Variants in PRMT8 observed in about 807,000 individuals in gnomAD.
PRMT8 encodes protein arginine N-methyltransferase 8.
A neutral mutation model predicts 47.1 loss-of-function variants in PRMT8; 7 were observed. The observed-to-expected ratio is 0.15, with a 90% confidence interval of 0.08 to 0.28. The LOEUF (loss-of-function observed/expected upper bound fraction) is 0.28, where lower values mean the gene tolerates loss of function less well. PRMT8 is among the 10% of genes least tolerant of loss of function. The pLI is 1.00. For synonymous variants in PRMT8, 188 were observed against 186.5 expected (o/e 1.01, Z -0.07); for missense variants, 237 against 505.4 (o/e 0.47, Z 5.09).
intron 1 of PRMT8, among the ~76,000 whole-genome samples, chr12:3,522,048 A>G (rs1865887438): frequency 2.0e-5 from 3 of 152,194 alleles, no homozygotes; most frequent in African/African-American, 4.8e-5. Flanking sequence ...AGTCTCAGAA[A>G]GTATATTACT....
At chr12:3,418,512 C>T (rs1864506552) in intron 1 of PRMT8, among the ~76,000 whole-genome samples, 1 of 152,198 alleles carries the variant, frequency 6.6e-6, no homozygotes, top group Non-Finnish European at 1.5e-5. Flanking sequence ...CCCATGGCTG[C>T]TGATGCCAGT....
chr12:3,439,936 C>T (rs1013710856), intron 1 of PRMT8, among the ~76,000 whole-genome samples: 9 of 152,154 alleles, frequency 5.9e-5, no homozygotes, highest in East Asian at 1.9e-4. Flanking sequence ...AAGTATGAGT[C>T]GGGCACCACG....
intron 1 of PRMT8, among the ~76,000 whole-genome samples, chr12:3,401,184 TA>T (rs1307574720): frequency 1.7e-5 from 2 of 118,872 alleles, no homozygotes; most frequent in African/African-American, 3.1e-5. Context: ...GGCAAATCAA[TA>T]AACATTATTC....
chr12:3,542,441 A>G (rs923032328), intron 2 of PRMT8, among the ~76,000 whole-genome samples: 2 of 152,196 alleles, frequency 1.3e-5, no homozygotes, highest in Non-Finnish European at 2.9e-5. Context: ...TTGGCCTGTG[A>G]GAGGCTCTTG....
At chr12:3,537,102 A>T (rs13328981) in intron 1 of PRMT8, among the ~76,000 whole-genome samples, 4,955 of 152,266 alleles carry the variant, frequency 0.033, 110 homozygotes, top group Middle Eastern at 0.085. Flanking sequence ...GCCTTTCTAA[A>T]AGTCTTGACC....
chr12:3,490,742 CACTT>C (rs1284176635), upstream of PRMT8, among the ~76,000 whole-genome samples: 1 of 142,724 alleles, frequency 7.0e-6, no homozygotes, highest in African/African-American at 2.5e-5. Context: ...AATGACACCA[CACTT>C]ACCCCTAGAG....
chr12:3,522,931 T>C (rs570642487), intron 1 of PRMT8, among the ~76,000 whole-genome samples: 13 of 152,292 alleles, frequency 8.5e-5, no homozygotes, highest in Admixed American at 2.6e-4. Context: ...GGCTCCGTCA[T>C]TGGGGGTGGA....
At position 3,540,613 on chromosome 12, in the gene PRMT8, G is replaced by GGGCCCCCCCC; in HGVS notation, c.83_84insGGCCCCCCCC (p.Ser28ArgfsTer17). ...CCCTTCTCTTCCCCTCAGGTGAACA[G>GGGCCCCCCCC]CCCCCCCTCCCAGCCCCCCCAGCCC... On this transcript the variant is annotated frameshift_variant, in exon 2 of 10. Transcript: ENST00000382622. LOFTEE classifies it high-confidence loss of function. The GGGCCCCCCCC allele has an allele frequency of 8.8e-7, 1 of 1,130,522 alleles. No individual in the cohort carries two copies. Among genetic ancestry groups the GGGCCCCCCCC allele is most frequent in the Non-Finnish European group, 1.3e-6 (1 of 752,492 alleles). 70.0% of individuals were successfully genotyped at this position (1,130,522 alleles called of 1,614,324 possible).
At chr12:3,545,529 G>A (rs1174511518) in intron 2 of PRMT8, among the ~76,000 whole-genome samples, 1 of 152,194 alleles carries the variant, frequency 6.6e-6, no homozygotes, top group Non-Finnish European at 1.5e-5. Flanking sequence ...AGGAAGTGAT[G>A]GCTGGGCTTC....
intron 1 of PRMT8, among the ~76,000 whole-genome samples, chr12:3,416,531 G>A (rs1864485479): frequency 1.3e-5 from 2 of 152,248 alleles, no homozygotes; most frequent in African/African-American, 4.8e-5. Flanking sequence ...AACACTTGTG[G>A]AGTCACTGGT....
intron 1 of PRMT8, 53 bp downstream of exon 1, chr12:3,491,753 C>A (rs1377811548): frequency 6.4e-7 from 1 of 1,554,136 alleles, no homozygotes; most frequent in African/African-American, 1.4e-5. Context: ...CCACCCGGAC[C>A]ACCGCGCCGC....
chr12:3,550,059 G>T lies in PRMT8; in HGVS notation c.385G>T (p.Ala129Ser). The T allele has an allele frequency of 6.2e-7, 1 of 1,614,110 alleles. No individual in the cohort carries two copies. Among genetic ancestry groups the T allele is most frequent in the Non-Finnish European group, 8.5e-7 (1 of 1,180,008 alleles). The change falls in exon 3 of 10, where the codon GCT becomes TCT. Residue 129 changes from alanine (A) to serine (S), a missense_variant. Ala to Ser is a moderately conservative substitution (Grantham distance 99). This residue lies in a region of PRMT8 where 151 missense variants were observed against 341.1 expected (regional missense o/e 0.44). Coordinates refer to ENST00000382622, the MANE Select transcript of PRMT8 (RefSeq NM_019854.5). The surrounding 1 kb of genome is among the most constrained non-coding windows in gnomAD (Gnocchi z 5.1). ...TGGTACTGGGATCCTTTCCATGTTC[G>T]CTGCCAAGGCAGGGGCCAAGAAGGT... The part of the protein sequence containing the change: ...GSGTGILSMF[A>S]AKAGAKKVFG...
intron 1 of PRMT8, among the ~76,000 whole-genome samples, chr12:3,410,185 T>C (rs904380104): frequency 6.6e-6 from 1 of 152,232 alleles, no homozygotes; most frequent in Non-Finnish European, 1.5e-5. Flanking sequence ...GTTACAGAAT[T>C]TGGCAAACTT....
intron 4 of PRMT8, among the ~76,000 whole-genome samples, chr12:3,565,834 C>T (rs972705285): frequency 6.6e-6 from 1 of 152,142 alleles, no homozygotes; most frequent in Non-Finnish European, 1.5e-5. Flanking sequence ...TTCATACATA[C>T]CTGTTTGTTA....
At chr12:3,520,386 G>A (rs1474630283) in intron 1 of PRMT8, among the ~76,000 whole-genome samples, 1 of 152,186 alleles carries the variant, frequency 6.6e-6, no homozygotes, top group African/African-American at 2.4e-5. Context: ...GACCTAGCAG[G>A]ACCCAGCCAA....
At chr12:3,410,777 G>A (rs1277423617) in intron 1 of PRMT8, among the ~76,000 whole-genome samples, 3 of 152,266 alleles carry the variant, frequency 2.0e-5, no homozygotes, top group Admixed American at 1.3e-4. Flanking sequence ...AAAGTGCTGG[G>A]GTTACAGGCG....
At chr12:3,465,741 T>G (rs1353223309) in intron 1 of PRMT8, among the ~76,000 whole-genome samples, 4 of 152,230 alleles carry the variant, frequency 2.6e-5, no homozygotes, top group Non-Finnish European at 5.9e-5. Context: ...TGGGTGGGTT[T>G]GAGGACGACT....
chr12:3,549,634 A>G (rs1051420153), intron 2 of PRMT8, among the ~76,000 whole-genome samples: 9 of 152,122 alleles, frequency 5.9e-5, no homozygotes, highest in African/African-American at 1.9e-4. Flanking sequence ...CTCTTATGCT[A>G]TGTTGTACTG....
chr12:3,469,227 G>A, intron 1 of PRMT8: 1 of 459,876 alleles, frequency 2.2e-6, no homozygotes, highest in South Asian at 1.7e-5. Context: ...AAGCCAGCAA[G>A]GACCAAACAC....
Sources: allele counts gnomAD v4.1 joint callset (sites outside exome capture counted in the v4.1 genomes callset), GRCh38; gene constraint gnomAD v4.1.1; regional missense constraint gnomAD v4.1.1; non-coding constraint Gnocchi (gnomAD v3.1); transcripts MANE v1.5; gene names NCBI Gene and HGNC (gene_info 2026-07-23, HGNC 2026-07-21).